Variants in CADM2 observed in about 807,000 individuals in gnomAD.
CADM2 encodes the protein cell adhesion molecule 2.
A neutral mutation model predicts 49.8 loss-of-function variants in CADM2; 12 were observed. That is an observed-to-expected ratio of 0.24 (90% CI 0.15 to 0.39). CADM2 has a LOEUF of 0.39. Among genes scored for constraint, CADM2 ranks in the 10% least tolerant of loss-of-function variants. The pLI is 1.00. For synonymous variants in CADM2, 214 were observed against 175.4 expected, an observed-to-expected ratio of 1.22 and a Z score of -1.74; for missense variants, 378 against 492.3, an observed-to-expected ratio of 0.77 and a Z score of 2.20.
At chr3:85,988,506 C>T (rs1481868034) in intron 8 of CADM2, among the ~76,000 whole-genome samples, 3 of 151,998 alleles carry the variant, frequency 2.0e-5, no homozygotes, top group Non-Finnish European at 2.9e-5. Flanking sequence ...AGAAAAACGA[C>T]TAAGAAAAAG....
chr3:84,994,664 A>C (rs1039120760), intron 1 of CADM2, among the ~76,000 whole-genome samples: 1 of 152,176 alleles, frequency 6.6e-6, no homozygotes, highest in African/African-American at 2.4e-5. Flanking sequence ...GTAGAGTATG[A>C]CTTAATAAAC....
chr3:86,057,168 G>A (rs1020632329), intron 8 of CADM2, among the ~76,000 whole-genome samples: 8 of 152,142 alleles, frequency 5.3e-5, no homozygotes, highest in African/African-American at 1.4e-4. Flanking sequence ...TTGAGTAAGC[G>A]CAGTGACGCA....
intron 1 of CADM2, among the ~76,000 whole-genome samples, chr3:85,352,972 A>G (rs928326106): frequency 6.6e-6 from 1 of 152,118 alleles, no homozygotes; most frequent in Non-Finnish European, 1.5e-5. Flanking sequence ...GAAGTTTTCA[A>G]GTCAGCTTAC....
chr3:86,008,203 G>A (rs909897643), intron 8 of CADM2, among the ~76,000 whole-genome samples: 2 of 152,084 alleles, frequency 1.3e-5, no homozygotes, highest in African/African-American at 2.4e-5. Context: ...TCTAGTCAAG[G>A]AAAATCTTAC....
chr3:85,299,404 A>C (rs897721686), intron 1 of CADM2, among the ~76,000 whole-genome samples: 9 of 152,098 alleles, frequency 5.9e-5, no homozygotes, highest in African/African-American at 9.7e-5. Flanking sequence ...TTCTTTGCAT[A>C]AAAAGGATTC....
chr3:85,813,541 A>C (rs1559676324), intron 3 of CADM2, among the ~76,000 whole-genome samples: 3 of 152,078 alleles, frequency 2.0e-5, no homozygotes. Flanking sequence ...TCTTTAGTTT[A>C]ATTAGATCCC....
At chr3:85,162,877 C>G (rs1377872142) in intron 1 of CADM2, among the ~76,000 whole-genome samples, 1 of 151,542 alleles carries the variant, frequency 6.6e-6, no homozygotes, top group African/African-American at 2.4e-5. Context: ...TAAATATTAC[C>G]ACAACACTAT....
chr3:85,828,788 G>A (rs1478777167), intron 3 of CADM2, among the ~76,000 whole-genome samples: 2 of 151,832 alleles, frequency 1.3e-5, no homozygotes, highest in African/African-American at 4.8e-5. Context: ...TGCATTGCAA[G>A]TTCTGTGAGG....
chr3:85,586,684 G>A (rs1403647357), intron 1 of CADM2, among the ~76,000 whole-genome samples: 1 of 152,048 alleles, frequency 6.6e-6, no homozygotes, highest in Non-Finnish European at 1.5e-5. Flanking sequence ...AGTAACTGTG[G>A]TTTTTACCAT....
intron 1 of CADM2, among the ~76,000 whole-genome samples, chr3:85,241,701 G>T (rs978692933): frequency 2.6e-5 from 4 of 151,338 alleles, no homozygotes; most frequent in Admixed American, 2.0e-4. Context: ...ATCTTTATTT[G>T]TATATTTATT....
chr3:85,299,155 A>G (rs566561331), intron 1 of CADM2, among the ~76,000 whole-genome samples: 2 of 152,262 alleles, frequency 1.3e-5, no homozygotes, highest in East Asian at 3.9e-4. Context: ...AATCATTTAA[A>G]AAACTTGAGA....
At chr3:85,079,613 A>G (rs1420998686) in intron 1 of CADM2, among the ~76,000 whole-genome samples, 1 of 151,854 alleles carries the variant, frequency 6.6e-6, no homozygotes, top group Non-Finnish European at 1.5e-5. Flanking sequence ...TATAATAATA[A>G]GACAATGCTG....
At chr3:85,969,861 T>C (rs1725899530) in intron 8 of CADM2, among the ~76,000 whole-genome samples, 1 of 151,012 alleles carries the variant, frequency 6.6e-6, no homozygotes, top group Admixed American at 6.7e-5. Context: ...GAAGAAACTT[T>C]AGTGAAGCAA....
At chr3:85,006,922 A>C (rs2033760478) in intron 1 of CADM2, among the ~76,000 whole-genome samples, 2 of 152,118 alleles carry the variant, frequency 1.3e-5, no homozygotes, top group African/African-American at 4.8e-5. Flanking sequence ...ACCATTATAC[A>C]TTCGTGCATT....
intron 1 of CADM2, among the ~76,000 whole-genome samples, chr3:85,587,437 G>T (rs967444318): frequency 5.3e-5 from 8 of 151,940 alleles, no homozygotes; most frequent in African/African-American, 1.9e-4. Context: ...AAATGTCTTA[G>T]GCAAAGAATT....
At chr3:85,248,601 A>C (rs1268906023) in intron 1 of CADM2, among the ~76,000 whole-genome samples, 2 of 152,182 alleles carry the variant, frequency 1.3e-5, no homozygotes, top group Non-Finnish European at 2.9e-5. Context: ...TAATTTAACA[A>C]ATAGGTATTT....
intron 1 of CADM2, among the ~76,000 whole-genome samples, chr3:85,569,766 C>G (rs2062426171): frequency 6.8e-6 from 1 of 146,954 alleles, no homozygotes; most frequent in Non-Finnish European, 1.5e-5. Context: ...AATGATGTAA[C>G]TTAGAAGTAG....
intron 3 of CADM2, among the ~76,000 whole-genome samples, chr3:85,844,689 T>A (rs954580806): frequency 2.0e-5 from 3 of 152,150 alleles, no homozygotes; most frequent in African/African-American, 7.2e-5. Context: ...TAATTGTGAA[T>A]CTAGTCTCCT....
At chr3:85,366,077 A>T (rs1479816401) in intron 1 of CADM2, among the ~76,000 whole-genome samples, 1 of 152,200 alleles carries the variant, frequency 6.6e-6, no homozygotes, top group Non-Finnish European at 1.5e-5. Context: ...ATACTTAATG[A>T]TTTAGTTTGC....
Sources: gnomAD v4.1 joint callset for allele counts (sites outside exome capture counted in the v4.1 genomes callset) on GRCh38, gnomAD v4.1.1 for gene constraint, MANE v1.5 for transcripts, NCBI Gene and HGNC (gene_info 2026-07-23, HGNC 2026-07-21) for gene names.